The following OTOG variants were observed in gnomAD, a reference collection of about 807,000 sequenced individuals.
The protein encoded by OTOG is otogelin.
A neutral mutation model predicts 313.8 loss-of-function variants in OTOG; 296 were observed. That is an observed-to-expected ratio of 0.94 (90% CI 0.86 to 1.04). The LOEUF (loss-of-function observed/expected upper bound fraction) is 1.04. Among genes scored for constraint, OTOG ranks in the 50% least tolerant of loss-of-function variants. The pLI, the probability that OTOG is intolerant of heterozygous loss-of-function variation, is 0.00. For synonymous variants in OTOG, 1,533 were observed against 1,554.9 expected, an observed-to-expected ratio of 0.99 and a Z score of 0.33; for missense variants, 3,948 against 3,840.1, an observed-to-expected ratio of 1.03 and a Z score of -0.74.
rs1854189077 is a variant in OTOG, at chr11:17,633,726, CTG to C, written c.7122_7123del (p.Cys2374Ter). 1 of 1,549,778 alleles carries C rather than the reference CTG, an allele frequency of 6.5e-7. No homozygotes were observed. Among genetic ancestry groups the C allele is most frequent in the Non-Finnish European group, 8.7e-7 (1 of 1,146,676 alleles). On this transcript the variant is annotated frameshift_variant, in exon 43 of 56. Transcript: ENST00000399397. LOFTEE classifies it high-confidence loss of function. ...CCACATACCAGGCATGTGTGACAGC[CTG>C]TGAGCCACCCAAGACATGCCAGGAT... is the stretch of plus-strand genomic sequence containing the variant. Reference protein sequence around the residue: ...DSTYQACVTACEPPKTCQDGI... With the variant: ...DSTYQACVTAXEPPKTCQDGI...
Position 17,611,007 on chromosome 11 carries a change from C to T in OTOG, c.5707C>T (p.Arg1903Ter), listed in dbSNP as rs761287044. 2.1e-5 allele frequency: 33 copies of T among 1,550,448 alleles called. No individual in the cohort carries two copies. The highest frequency in any genetic ancestry group is 2.6e-5 in the Non-Finnish European group (30 of 1,147,020). Residue 1903 changes from arginine (R) to a stop codon, truncating the protein, a stop_gained, in exon 36 of 56, where the codon CGA (arginine) becomes TGA (stop). Coordinates refer to ENST00000399397, the MANE Select transcript of OTOG (RefSeq NM_001292063.2). LOFTEE classifies it high-confidence loss of function. ...GTASMVSVVPRKSTTGKVAIL... is the reference protein window; with the variant it reads ...GTASMVSVVP ...GGCCTCCATGGTATCTGTTGTCCCA[C>T]GAAAGAGCACCACAGGGAAGGTGGC...
At chr11:17,619,807 GT>G (rs1254895095) in intron 39 of OTOG, among the ~76,000 whole-genome samples, 8 of 152,158 alleles carry the variant, frequency 5.3e-5, no homozygotes, top group Non-Finnish European at 1.2e-4. Flanking sequence ...AACAAGGAAA[GT>G]TTATATTTAA....
rs1236715464 is a variant in OTOG at position 17,610,117 on chromosome 11, G to A, written c.4817G>A (p.Arg1606Gln). ...AGCCCTAACATCACAGTCTCCTCCC[G>A]GTCGCCCCCTGCCCCTCGCTTCCCG... is the stretch of plus-strand genomic sequence containing the variant. ...AGSPNITVSS[R>Q]SPPAPRFPLM... The change falls in exon 36 of 56, where the codon CGG becomes CAG. Residue 1606 changes from arginine to glutamine, a missense_variant. Arg to Gln is a conservative substitution (Grantham distance 43). Coordinates refer to ENST00000399397, the MANE Select transcript of OTOG (RefSeq NM_001292063.2). The A allele has an allele frequency of 1.6e-5, 25 of 1,550,410 alleles. No individual in the cohort carries two copies. The highest frequency in any genetic ancestry group is 5.9e-5 in the Admixed American group (3 of 50,974).
intron 15 of OTOG, among the ~76,000 whole-genome samples, chr11:17,565,500 C>T (rs1233644396): frequency 6.6e-6 from 1 of 152,128 alleles, no homozygotes; most frequent in Non-Finnish European, 1.5e-5. Context: ...CCTTTTTCCC[C>T]CTTTCCATAC....
intron 53 of OTOG, among the ~76,000 whole-genome samples, chr11:17,642,527 GTCAC>G (rs1847997857): frequency 6.6e-6 from 1 of 152,162 alleles, no homozygotes; most frequent in South Asian, 2.1e-4. Flanking sequence ...CAGGTCACCA[GTCAC>G]TCACACACCA....
At chr11:17,644,265 C>T (rs946000645) in intron 54 of OTOG, among the ~76,000 whole-genome samples, 1 of 152,270 alleles carries the variant, frequency 6.6e-6, no homozygotes, top group African/African-American at 2.4e-5. Context: ...TAGTCCAGGG[C>T]CCAGAGGGCC....
intron 15 of OTOG, among the ~76,000 whole-genome samples, chr11:17,565,124 G>GT (rs954767879): frequency 2.6e-5 from 4 of 152,160 alleles, no homozygotes; most frequent in Non-Finnish European, 5.9e-5. Context: ...AGATTCTATA[G>GT]TTTTTTACCT....
intron 39 of OTOG, among the ~76,000 whole-genome samples, chr11:17,616,063 C>G (rs1853711141): frequency 6.6e-6 from 1 of 151,966 alleles, no homozygotes. Flanking sequence ...ATTGTTTTGT[C>G]TGTTCTTTTT....
In OTOG at chr11:17,641,019, C is replaced by T. The variant is rs757713024; in HGVS notation, c.8118C>T (p.Thr2706=). ...DGVCHTSRCT[T]VLDPLTNFYQ... is the part of the protein sequence containing the mutation. ...TGTGCCACACCTCCCGCTGCACCACCGTGCTCGACCCTCTCACCAACTTCT... is the reference window on the plus strand; with the variant it reads ...TGTGCCACACCTCCCGCTGCACCACTGTGCTCGACCCTCTCACCAACTTCT... The change falls in exon 51 of 56, where the codon ACC becomes ACT. Residue 2706 remains threonine (T), a synonymous_variant. Coordinates refer to ENST00000399397, the MANE Select transcript of OTOG (RefSeq NM_001292063.2). 36 of 1,540,828 alleles carry T rather than the reference C, an allele frequency of 2.3e-5. No homozygotes were observed. Among genetic ancestry groups the T allele is most frequent in the African/African-American group, 5.5e-5 (4 of 72,490 alleles).
intron 23 of OTOG, 53 bp downstream of exon 23, chr11:17,578,579 G>C: frequency 9.5e-6 from 14 of 1,477,574 alleles, no homozygotes; most frequent in Non-Finnish European, 1.3e-5. Context: ...GCAGAACCAA[G>C]GGCCACAGGG....
At chr11:17,602,503 C>A (rs926654915) in intron 32 of OTOG, 126 bp downstream of exon 32, 3 of 1,104,028 alleles carry the variant, frequency 2.7e-6, no homozygotes. Context: ...AAGTGCCCCT[C>A]TCCCAGTTGA....
chr11:17,633,952 C>T, intron 43 of OTOG, 78 bp downstream of exon 43: 1 of 1,476,972 alleles, frequency 6.8e-7, no homozygotes, highest in Non-Finnish European at 9.0e-7. Context: ...CAGCTGAGTC[C>T]CATCTGCATC....
chr11:17,560,626 C>T, intron 12 of OTOG, 83 bp from the exon 13 acceptor site: 1 of 961,522 alleles, frequency 1.0e-6, no homozygotes, highest in South Asian at 1.5e-5. Flanking sequence ...ATAAGGGGAT[C>T]TTTATCAGAG....
intron 15 of OTOG, among the ~76,000 whole-genome samples, chr11:17,562,686 A>G (rs1852215973): frequency 1.3e-5 from 2 of 152,228 alleles, no homozygotes; most frequent in Non-Finnish European, 2.9e-5. Context: ...ATTCCTGATC[A>G]TGGAGTGGGC....
chr11:17,642,264 C>T lies in OTOG; in HGVS notation c.8415+18C>T. On this transcript the variant is annotated intron_variant, in intron 53 of 55. Coordinates refer to ENST00000399397, the MANE Select transcript of OTOG (RefSeq NM_001292063.2). ...GTGCCAAGGTCAGTGCCTCCTTCTC[C>T]ACTGAGGCTGTAGGCCAGGGGCATC... is the stretch of plus-strand genomic sequence containing the variant. 1 of 1,543,002 alleles carries T rather than the reference C, an allele frequency of 6.5e-7. No individual in the cohort carries two copies. The highest frequency in any genetic ancestry group is 8.8e-7 in the Non-Finnish European group (1 of 1,142,330).
chr11:17,556,267 C>T (rs947814976), intron 7 of OTOG, among the ~76,000 whole-genome samples: 9 of 152,298 alleles, frequency 5.9e-5, no homozygotes, highest in Middle Eastern at 6.8e-3. Flanking sequence ...AGTACACTTC[C>T]ATTTCTGATG....
chr11:17,612,714 C>A lies in OTOG; in HGVS notation c.6387C>A (p.Ser2129Arg). ...FKEAIYILSQ[S>R]PDEMLTVHVL... ...AGGCCATCTACATCCTCAGCCAGAGCCCAGATGAAATGCTCACCGTCCATG... is the reference window on the plus strand; with the variant it reads ...AGGCCATCTACATCCTCAGCCAGAGACCAGATGAAATGCTCACCGTCCATG... Residue 2129 changes from serine (S) to arginine (R), a missense_variant, in exon 38 of 56, where the codon AGC (serine) becomes AGA (arginine). Physicochemically the swap from Ser to Arg is moderately radical, Grantham distance 110 (BLOSUM62 -1). Coordinates refer to ENST00000399397, the MANE Select transcript of OTOG (RefSeq NM_001292063.2). 2 of 1,550,588 alleles carry A rather than the reference C, an allele frequency of 1.3e-6. No individual in the cohort carries two copies. The highest frequency in any genetic ancestry group is 2.4e-5 in the East Asian group (1 of 40,914).
Position 17,638,445 on chromosome 11 carries a change from C to T in OTOG, c.7796-6C>T. 1 of 1,545,170 alleles carries T rather than the reference C, an allele frequency of 6.5e-7. No homozygotes were observed. Among genetic ancestry groups the T allele is most frequent in the South Asian group, 1.2e-5 (1 of 83,542 alleles). ...TGACGTGTCAACTGCCTCTCCTTCC[C>T]CACAGTGTGTGAGAACTTCCGCTGT... On this transcript the variant is annotated splice_region_variant and splice_polypyrimidine_tract_variant and intron_variant, in intron 47 of 55. Transcript: ENST00000399397.
intron 32 of OTOG, among the ~76,000 whole-genome samples, chr11:17,604,128 A>G (rs563145806): frequency 1.3e-5 from 2 of 152,314 alleles, no homozygotes; most frequent in Admixed American, 6.5e-5. Context: ...GTTTGGCTCC[A>G]GAGTCTTTCA....
Sources: allele counts gnomAD v4.1 joint callset (sites outside exome capture counted in the v4.1 genomes callset), GRCh38; gene constraint gnomAD v4.1.1; transcripts MANE v1.5; gene names NCBI Gene and HGNC (gene_info 2026-07-23, HGNC 2026-07-21).